Variants in CLPTM1 observed in about 807,000 individuals in gnomAD.
The protein encoded by CLPTM1 is putative lipid scramblase CLPTM1.
Under a neutral mutation model 77.3 loss-of-function variants are expected in CLPTM1, and 21 were observed. That is an observed-to-expected ratio of 0.27 (90% CI 0.19 to 0.39). The LOEUF is 0.39. Ranked by LOEUF, CLPTM1 falls within the 10% of genes least tolerant of loss-of-function variation. CLPTM1 has a pLI of 1.00. For synonymous variants in CLPTM1, 373 were observed against 381.0 expected, an observed-to-expected ratio of 0.98 and a Z score of 0.24; for missense variants, 642 against 921.2, an observed-to-expected ratio of 0.70 and a Z score of 3.92.
At chr19:44,955,182 G>C (rs1600000644), upstream of CLPTM1, 1 of 1,534,848 alleles carries the variant, frequency 6.5e-7, no homozygotes, top group East Asian at 2.4e-5. Context: ...GTTTTTATTA[G>C]GTGGAAACAA....
upstream of CLPTM1, chr19:44,955,159 C>T (rs1970438539): frequency 6.5e-7 from 1 of 1,535,590 alleles, no homozygotes; most frequent in Non-Finnish European, 8.7e-7. Context: ...TCCTGGAGTT[C>T]GGAGCATACA....
intron 5 of CLPTM1, among the ~76,000 whole-genome samples, chr19:44,982,206 G>A (rs1440382015): frequency 2.0e-5 from 3 of 151,750 alleles, no homozygotes; most frequent in African/African-American, 4.8e-5. Flanking sequence ...AAAATTAGGC[G>A]GGCATGGTGG....
intron 2 of CLPTM1, among the ~76,000 whole-genome samples, chr19:44,963,019 C>T (rs538038167): frequency 5.1e-4 from 76 of 148,930 alleles, no homozygotes; most frequent in Middle Eastern, 3.4e-3. Context: ...AGAAAGACTC[C>T]GTCTCAAAAA....
chr19:44,977,378 T>G lies in CLPTM1; in HGVS notation c.504T>G (p.Val168=), dbSNP rs768618848. ...VQQNGSIYIH[V]YFTKSGFHPD... ...AGAACGGCTCCATCTACATCCACGT[T>G]TACTTCACCAAGAGTGGCTTCCACC... Residue 168 remains valine, a synonymous_variant, in exon 5 of 14, where the codon GTT becomes GTG. Transcript: ENST00000337392. The G allele has an allele frequency of 2.5e-6, 4 of 1,610,378 alleles. No homozygotes were observed. In the South Asian group the frequency reaches 4.4e-5, roughly 18 times the overall value.
intron 1 of CLPTM1, among the ~76,000 whole-genome samples, chr19:44,958,600 G>C (rs1174488654): frequency 1.3e-5 from 2 of 152,138 alleles, no homozygotes; most frequent in Non-Finnish European, 2.9e-5. Flanking sequence ...TTGAACTCCT[G>C]ACCTCAGGTG....
Position 44,990,864 on chromosome 19 carries a change from C to G in CLPTM1, c.1338C>G (p.His446Gln). The G allele has an allele frequency of 3.7e-6, 6 of 1,613,816 alleles. No individual in the cohort carries two copies. The highest frequency in any genetic ancestry group is 5.1e-6 in the Non-Finnish European group (6 of 1,179,828). Reference sequence around the variant, plus strand: ...CTCATCCACAGCTGGACCGAGAGCACAGGGTGGCAGGAATCTTCCCCCGCC... The same window carrying G: ...CTCATCCACAGCTGGACCGAGAGCAGAGGGTGGCAGGAATCTTCCCCCGCC... The part of the protein sequence containing the change: ...KVMDVRLDRE[H>Q]RVAGIFPRLS... Residue 446 changes from histidine (H) to glutamine (Q), a missense_variant, in exon 11 of 14, where the codon CAC (histidine) becomes CAG (glutamine). This residue lies in a region of CLPTM1 where 521 missense variants were observed against 800.4 expected (regional missense o/e 0.65). Transcript: ENST00000337392. The surrounding 1 kb of genome is among the most constrained non-coding windows in gnomAD (Gnocchi z 4.8).
intron 9 of CLPTM1, 71 bp downstream of exon 9, chr19:44,988,244 C>A: frequency 9.3e-7 from 1 of 1,076,116 alleles, no homozygotes. Flanking sequence ...CCTTCCTCCT[C>A]CCCTCCCTCC....
At chr19:44,963,829 G>T (rs1410933500) in intron 2 of CLPTM1, among the ~76,000 whole-genome samples, 3 of 151,598 alleles carry the variant, frequency 2.0e-5, no homozygotes, top group Non-Finnish European at 4.4e-5. Context: ...TGTTGGTCAG[G>T]CTGGTCTCGA....
At chr19:44,955,026 G>A (rs1464304887), upstream of CLPTM1, 13 of 1,535,700 alleles carry the variant, frequency 8.5e-6, no homozygotes, top group South Asian at 1.4e-4. Context: ...CGAAAAGGAC[G>A]CGAAGAATCG....
rs560338712 is a variant in CLPTM1, at chr19:44,967,546, A to G, written c.185+5471A>G. On this transcript the variant is annotated intron_variant, in intron 2 of 13. Transcript: ENST00000337392. ...GCGGCTTATGCCTGTAATCCCAGCTATTCAGGAGGCTGAGGCAGGAGAATC... is the reference window on the plus strand; with the variant it reads ...GCGGCTTATGCCTGTAATCCCAGCTGTTCAGGAGGCTGAGGCAGGAGAATC... Among the ~76,000 whole-genome samples, 528 of 151,524 alleles carry G rather than the reference A, an allele frequency of 3.5e-3. 4 individuals are homozygous for G. Among genetic ancestry groups the G allele is most frequent in the African/African-American group, 0.012 (500 of 41,360 alleles).
chr19:44,968,431 T>C (rs974894279), intron 2 of CLPTM1, among the ~76,000 whole-genome samples: 1 of 152,206 alleles, frequency 6.6e-6, no homozygotes, highest in African/African-American at 2.4e-5. Context: ...TCTTTTCATA[T>C]ATTTAAAAAT....
intron 1 of CLPTM1, among the ~76,000 whole-genome samples, chr19:44,961,296 C>A (rs1051134821): frequency 6.6e-6 from 1 of 152,174 alleles, no homozygotes; most frequent in African/African-American, 2.4e-5. Context: ...ACCTGCTGGA[C>A]CAGGGGCCCT....
At chr19:44,989,367 A>C (rs945593947) in intron 9 of CLPTM1, among the ~76,000 whole-genome samples, 3 of 152,186 alleles carry the variant, frequency 2.0e-5, no homozygotes, top group Non-Finnish European at 2.9e-5. Context: ...AGTGTCATGC[A>C]GCAGGGGGCG....
intron 2 of CLPTM1, among the ~76,000 whole-genome samples, chr19:44,966,635 C>T (rs1445081756): frequency 7.1e-6 from 1 of 141,464 alleles, no homozygotes; most frequent in Non-Finnish European, 1.5e-5. Flanking sequence ...GGTTATCACC[C>T]TTCTTGAGCC....
chr19:44,967,050 C>G (rs1048213100), intron 2 of CLPTM1, among the ~76,000 whole-genome samples: 8 of 152,148 alleles, frequency 5.3e-5, no homozygotes, highest in African/African-American at 1.9e-4. Flanking sequence ...ATCGTGTTAG[C>G]CAGGATAGTC....
chr19:44,962,918 C>T (rs1215252479), intron 2 of CLPTM1, among the ~76,000 whole-genome samples: 6 of 151,586 alleles, frequency 4.0e-5, no homozygotes, highest in Admixed American at 4.0e-4. Context: ...AAAAAAATTC[C>T]GGAGGCTGAG....
chr19:44,954,761 G>C (rs1342236462), upstream of CLPTM1: 3 of 1,340,364 alleles, frequency 2.2e-6, no homozygotes, highest in Non-Finnish European at 2.9e-6. Flanking sequence ...AGGCTTGGGG[G>C]TGTATCATAG....
Position 44,985,212 on chromosome 19 carries a change from C to T in CLPTM1, c.587-6C>T. The T allele has an allele frequency of 1.9e-6, 3 of 1,612,702 alleles. No individual in the cohort carries two copies. The highest frequency in any genetic ancestry group is 2.5e-6 in the Non-Finnish European group (3 of 1,178,994). On this transcript the variant is annotated splice_polypyrimidine_tract_variant and splice_region_variant and intron_variant, in intron 5 of 13. Coordinates refer to ENST00000337392, the MANE Select transcript of CLPTM1 (RefSeq NM_001294.4). ...CGTCCCCTCCTTTCCCACCTCCCAA[C>T]CACAGTGATCAACAAATACAAGCGC...
intron 2 of CLPTM1, 50 bp downstream of exon 2, chr19:44,962,125 T>C: frequency 8.4e-7 from 1 of 1,193,932 alleles, no homozygotes; most frequent in Non-Finnish European, 1.2e-6. Flanking sequence ...CAAATAAAAA[T>C]AAGGAAGAAA....
Sources: allele counts gnomAD v4.1 joint callset (sites outside exome capture counted in the v4.1 genomes callset), GRCh38; gene constraint gnomAD v4.1.1; regional missense constraint gnomAD v4.1.1; non-coding constraint Gnocchi (gnomAD v3.1); transcripts MANE v1.5; gene names NCBI Gene and HGNC (gene_info 2026-07-23, HGNC 2026-07-21).